The following SNAI3 variants were observed in gnomAD, a reference collection of about 807,000 sequenced individuals.
The protein encoded by SNAI3 is snail family transcriptional repressor 3.
Under a neutral mutation model 16.4 loss-of-function variants are expected in SNAI3, and 21 were observed. The ratio of observed to expected loss-of-function variants is 1.28; its 90% CI spans 0.91 to 1.85. The LOEUF is 1.85. SNAI3 is among the 40% of genes most tolerant of loss of function. The pLI is 0.00. For missense variants in SNAI3, 457 were observed against 372.8 expected (o/e 1.23, Z -1.86); for synonymous variants, 202 against 166.6 (o/e 1.21, Z -1.64).
chr16:88,678,285 C>T lies in SNAI3; in HGVS notation c.*163G>A. 1.7e-6 allele frequency: 1 copy of T among 577,400 alleles called. No homozygotes were observed. The highest frequency in any genetic ancestry group is 3.1e-6 in the Non-Finnish European group (1 of 324,364). 35.8% of individuals were successfully genotyped at this position (577,400 alleles called of 1,614,324 possible). A position where few individuals can be genotyped will look rare whatever the true frequency, so the allele number is the denominator to read the frequency against. On this transcript the variant is annotated 3_prime_UTR_variant, in exon 3 of 3. Coordinates refer to ENST00000332281, the MANE Select transcript of SNAI3 (RefSeq NM_178310.4). ...GGGGAGTGTCCTCCGGCCCAGTGGC[C>T]CCCGCTGGACTTCTTTGGTTCTGAT...
chr16:88,679,775 A>AAAAAAAAGAAAAAG (rs1909101510), intron 2 of SNAI3, among the ~76,000 whole-genome samples: 1 of 106,570 alleles, frequency 9.4e-6, no homozygotes, highest in African/African-American at 3.5e-5. Flanking sequence ...AAAAAAAAAA[A>AAAAAAAAGAAAAAG]AAAAAAAGAA....
chr16:88,682,667 G>A (rs1909214397), intron 1 of SNAI3, among the ~76,000 whole-genome samples: 1 of 150,594 alleles, frequency 6.6e-6, no homozygotes, highest in Non-Finnish European at 1.5e-5. Context: ...TCAGACTTCT[G>A]ATCAGGAATA....
At chr16:88,686,078 A>T in intron 1 of SNAI3, 1 of 518,080 alleles carries the variant, frequency 1.9e-6, no homozygotes, top group Non-Finnish European at 3.5e-6. Context: ...GGGCTTAGAA[A>T]ACTTAGAAAA....
intron 1 of SNAI3, 112 bp downstream of exon 1, chr16:88,686,219 C>A (rs1204802729): frequency 1.6e-5 from 22 of 1,353,362 alleles, no homozygotes; most frequent in Non-Finnish European, 2.2e-5. Flanking sequence ...GGCTCCTTCT[C>A]CTCCCACCTG....
At chr16:88,683,389 G>A (rs1466877760) in intron 1 of SNAI3, among the ~76,000 whole-genome samples, 5 of 151,698 alleles carry the variant, frequency 3.3e-5, no homozygotes, top group African/African-American at 9.7e-5. Context: ...CCAAGTAGCT[G>A]GGATTACAGG....
Position 88,678,757 on chromosome 16 carries a change from T to C in SNAI3, c.698-128A>G, listed in dbSNP as rs979958682. ...TGCTCACAGCCAGAGCACCCAAGGT[T>C]GAGCTGTGTGGGGACGGGGTGGCAC... On this transcript the variant is annotated intron_variant, in intron 2 of 2. Coordinates refer to ENST00000332281, the MANE Select transcript of SNAI3 (RefSeq NM_178310.4). The C allele has an allele frequency of 1.2e-5, 18 of 1,446,884 alleles. No homozygotes were observed. The African/African-American group carries it at 1.3e-4, about 10-fold the overall frequency. The allele number at this position is 1,446,884 out of a possible 1,614,324, so 89.6% of individuals were successfully genotyped here. A position where few individuals can be genotyped will look rare whatever the true frequency, so the allele number is the denominator to read the frequency against.
intron 2 of SNAI3, among the ~76,000 whole-genome samples, chr16:88,679,581 GA>G (rs67957298): frequency 0.87 from 131,196 of 151,000 alleles, 57,459 homozygotes; most frequent in East Asian, 0.99. Context: ...CTAACATGGT[GA>G]AAACCCCATC....
In SNAI3 at chr16:88,681,620, C is replaced by T. The variant is rs1567627203; in HGVS notation, c.171G>A (p.Gln57=). 1 of 1,481,982 alleles carries T rather than the reference C, an allele frequency of 6.7e-7. No homozygotes were observed. The highest frequency in any genetic ancestry group is 1.4e-5 in the South Asian group (1 of 69,046). 91.8% of individuals were successfully genotyped at this position (1,481,982 alleles called of 1,614,324 possible). Residue 57 remains glutamine (Q), a synonymous_variant, in exon 2 of 3, where the codon CAG becomes CAA. Coordinates refer to ENST00000332281, the MANE Select transcript of SNAI3 (RefSeq NM_178310.4). The surrounding 1 kb of genome is among the most constrained non-coding windows in gnomAD (Gnocchi z 5.4). ...CGACGGCCGAGGAGCGGTCCCAGGG[C>T]TGGGGAAGGTCACCGGGCACAGAAG... ...EAPSVPGDLP[Q]PWDRSSAVAC...
chr16:88,683,757 A>G (rs964660891), intron 1 of SNAI3, among the ~76,000 whole-genome samples: 9 of 151,568 alleles, frequency 5.9e-5, no homozygotes, highest in African/African-American at 2.2e-4. Flanking sequence ...GGTTTTTGCC[A>G]CATTGGCCAG....
Position 88,681,846 on chromosome 16 carries a change from G to C in SNAI3, c.77-132C>G. On this transcript the variant is annotated intron_variant, in intron 1 of 2. Coordinates refer to ENST00000332281, the MANE Select transcript of SNAI3 (RefSeq NM_178310.4). This position sits in a 1 kb window ranked among gnomAD's most constrained non-coding sequence, Gnocchi z 5.4. ...GCGTGGGAGGTGTAGCCGGGAACCT[G>C]CATGCAGACCCAGCTTGCAAGGGAG... is the stretch of plus-strand genomic sequence containing the variant. 9.4e-7 allele frequency: 1 copy of C among 1,060,656 alleles called. No homozygotes were observed. Among genetic ancestry groups the C allele is most frequent in the Non-Finnish European group, 1.2e-6 (1 of 818,394 alleles). 65.7% of individuals were successfully genotyped at this position (1,060,656 alleles called of 1,614,324 possible).
At chr16:88,679,782 A>AT (rs1018880446) in intron 2 of SNAI3, among the ~76,000 whole-genome samples, 3 of 140,106 alleles carry the variant, frequency 2.1e-5, no homozygotes, top group African/African-American at 7.6e-5. Flanking sequence ...AAAAAAAAAA[A>AT]GAAAAAGTGT....
Position 88,678,627 on chromosome 16 carries a change from C to A in SNAI3, c.700G>T (p.Glu234Ter), listed in dbSNP as rs758761106. ...LQGHVRTHTG[E>*]KPYACSHCSR... is the part of the protein sequence containing the mutation. ...CAGTGCGAGCAGGCATAGGGCTTCT[C>A]CCCTGTGGGAGGAAGGCGGCGGCCA... is the stretch of plus-strand genomic sequence containing the variant. The change falls in exon 3 of 3, where the codon GAG becomes TAG. Residue 234 changes from glutamate (E) to a stop codon, truncating the protein, a stop_gained and splice_region_variant. Transcript: ENST00000332281. LOFTEE classifies it high-confidence loss of function. 7.4e-7 allele frequency: 1 copy of A among 1,342,366 alleles called. No individual in the cohort carries two copies. Among genetic ancestry groups the A allele is most frequent in the African/African-American group, 1.4e-5 (1 of 69,712 alleles). The allele number at this position is 1,342,366 out of a possible 1,614,324, so 83.2% of individuals were successfully genotyped here. A position where few individuals can be genotyped will look rare whatever the true frequency, so the allele number is the denominator to read the frequency against.
chr16:88,681,680 C>T lies in SNAI3; in HGVS notation c.111G>A (p.Leu37=). The T allele has an allele frequency of 6.8e-7, 1 of 1,474,872 alleles. No individual in the cohort carries two copies. Among genetic ancestry groups the T allele is most frequent in the South Asian group, 1.5e-5 (1 of 66,910 alleles). 91.4% of individuals were successfully genotyped at this position (1,474,872 alleles called of 1,614,324 possible). A position where few individuals can be genotyped will look rare whatever the true frequency, so the allele number is the denominator to read the frequency against. The change falls in exon 2 of 3, where the codon CTG becomes CTA. Residue 37 remains leucine, a synonymous_variant. Coordinates refer to ENST00000332281, the MANE Select transcript of SNAI3 (RefSeq NM_178310.4). This position sits in a 1 kb window ranked among gnomAD's most constrained non-coding sequence, Gnocchi z 5.4. ...INGACSACGG[L]VVPLLPRDKE... ...TGTCTCGGGGGAGGAGGGGCACCAC[C>T]AGCCCCCCACAGGCAGAGCAGGCAC...
chr16:88,684,739 C>T (rs571234885), intron 1 of SNAI3, among the ~76,000 whole-genome samples: 3 of 152,332 alleles, frequency 2.0e-5, no homozygotes, highest in Admixed American at 2.0e-4. Context: ...GATCTGCCGT[C>T]CTCGACCTCC....
In SNAI3 at chr16:88,686,386, C is replaced by T; in HGVS notation, c.21G>A (p.Val7=). 1 of 1,611,704 alleles carries T rather than the reference C, an allele frequency of 6.2e-7. No individual in the cohort carries two copies. The highest frequency in any genetic ancestry group is 8.5e-7 in the Non-Finnish European group (1 of 1,179,620). The stretch of plus-strand genomic sequence containing the variant: ...GGACCCTGTGGCTGGAGTGCGTTTT[C>T]ACCAGGAAGGAGCGCGGCATGTTCC... The part of the protein sequence containing the change: MPRSFL[V]KTHSSHRVPN... Residue 7 remains valine, a synonymous_variant, in exon 1 of 3, where the codon GTG becomes GTA. Transcript: ENST00000332281.
Position 88,681,859 on chromosome 16 carries a change from G to A in SNAI3, c.77-145C>T. Reference sequence around the variant, plus strand: ...AGCCGGGAACCTGCATGCAGACCCAGCTTGCAAGGGAGCTGGCGGTGCTGT... The same window carrying A: ...AGCCGGGAACCTGCATGCAGACCCAACTTGCAAGGGAGCTGGCGGTGCTGT... On this transcript the variant is annotated intron_variant, in intron 1 of 2. Coordinates refer to ENST00000332281, the MANE Select transcript of SNAI3 (RefSeq NM_178310.4). The surrounding 1 kb of genome is among the most constrained non-coding windows in gnomAD (Gnocchi z 5.4). 3.1e-6 allele frequency: 3 copies of A among 952,444 alleles called. No individual in the cohort carries two copies. The highest frequency in any genetic ancestry group is 4.2e-6 in the Non-Finnish European group (3 of 721,306). 59.0% of individuals were successfully genotyped at this position (952,444 alleles called of 1,614,324 possible).
intron 2 of SNAI3, chr16:88,678,961 C>T (rs1909070172): frequency 1.0e-6 from 1 of 985,276 alleles, no homozygotes; most frequent in Non-Finnish European, 1.2e-6. Context: ...CTGGCCAGCT[C>T]CAGCAGAATC....
rs61736224 is a variant in SNAI3 at position 88,678,611 on chromosome 16, C to A, written c.716G>T (p.Cys239Phe). ...GGCAAAGGCCCTGCTGCAGTGCGAGCAGGCATAGGGCTTCTCCCCTGTGGG... is the reference window on the plus strand; with the variant it reads ...GGCAAAGGCCCTGCTGCAGTGCGAGAAGGCATAGGGCTTCTCCCCTGTGGG... ...RTHTGEKPYA[C>F]SHCSRAFADR... is the part of the protein sequence containing the mutation. The change falls in exon 3 of 3, where the codon TGC becomes TTC. Residue 239 changes from cysteine (C) to phenylalanine (F), a missense_variant. By Grantham distance (205) the Cys-to-Phe change is radical (BLOSUM62 -2). Transcript: ENST00000332281. 455 of 1,191,258 alleles carry A rather than the reference C, an allele frequency of 3.8e-4. 2 individuals carry two copies. In the African/African-American group the frequency reaches 5.8e-3, roughly 15 times the overall value. 73.8% of individuals were successfully genotyped at this position (1,191,258 alleles called of 1,614,324 possible). A position where few individuals can be genotyped will look rare whatever the true frequency, so the allele number is the denominator to read the frequency against.
chr16:88,683,496 C>T (rs1026785983), intron 1 of SNAI3, among the ~76,000 whole-genome samples: 1 of 151,864 alleles, frequency 6.6e-6, no homozygotes, highest in African/African-American at 2.4e-5. Context: ...CCTTGTGATC[C>T]GCCTGCATCA....
Sources: gnomAD v4.1 joint callset for allele counts (sites outside exome capture counted in the v4.1 genomes callset) on GRCh38, gnomAD v4.1.1 for gene constraint, Gnocchi (gnomAD v3.1) non-coding constraint, MANE v1.5 for transcripts, NCBI Gene and HGNC (gene_info 2026-07-23, HGNC 2026-07-21) for gene names.